Variants in MDFIC2 observed in about 807,000 individuals in gnomAD.
The protein encoded by MDFIC2 is MyoD family inhibitor domain containing 2, also known as myoD family inhibitor domain-containing protein 2.
intron 2 of MDFIC2, among the ~76,000 whole-genome samples, chr3:70,277,649 G>T (rs532798096): frequency 1.3e-5 from 2 of 152,124 alleles, no homozygotes; most frequent in Non-Finnish European, 2.9e-5. Flanking sequence ...TTCTTCTAAT[G>T]AAAGTATGGT....
At chr3:70,297,947 A>G (rs539501393) in intron 2 of MDFIC2, among the ~76,000 whole-genome samples, 8 of 152,196 alleles carry the variant, frequency 5.3e-5, no homozygotes, top group Non-Finnish European at 1.2e-4. Context: ...GTGGTCTCTT[A>G]CTCTTTGCTA....
intron 2 of MDFIC2, among the ~76,000 whole-genome samples, chr3:70,295,072 C>A (rs190362283): frequency 6.6e-6 from 1 of 152,254 alleles, no homozygotes; most frequent in East Asian, 1.9e-4. Flanking sequence ...CTAAAATTAT[C>A]ATTGGCAAGG....
At chr3:70,269,138 A>G (rs1701951612) in intron 2 of MDFIC2, among the ~76,000 whole-genome samples, 1 of 152,218 alleles carries the variant, frequency 6.6e-6, no homozygotes, top group Non-Finnish European at 1.5e-5. Flanking sequence ...AGGCTGACAT[A>G]TCAGATAAAT....
At chr3:70,250,411 TCACACACA>T (rs61355248) in intron 2 of MDFIC2, among the ~76,000 whole-genome samples, 25 of 124,966 alleles carry the variant, frequency 2.0e-4, no homozygotes, top group East Asian at 7.6e-4. Context: ...TTAATGAATC[TCACACACA>T]CACACACACA....
chr3:70,235,130 G>A (rs1701594878), intron 2 of MDFIC2, among the ~76,000 whole-genome samples: 1 of 152,102 alleles, frequency 6.6e-6, no homozygotes, highest in Non-Finnish European at 1.5e-5. Flanking sequence ...AGAAGAAGGG[G>A]CCCTCTGTCT....
chr3:70,269,192 C>G (rs1387175207), intron 2 of MDFIC2, among the ~76,000 whole-genome samples: 1 of 151,972 alleles, frequency 6.6e-6, no homozygotes, highest in Non-Finnish European at 1.5e-5. Flanking sequence ...TTGGAATATT[C>G]ACATACAATA....
At chr3:70,294,873 C>T (rs1446974292) in intron 2 of MDFIC2, among the ~76,000 whole-genome samples, 2 of 152,088 alleles carry the variant, frequency 1.3e-5, no homozygotes, top group East Asian at 3.9e-4. Flanking sequence ...AAATAGGAGA[C>T]TATCTTTTTT....
chr3:70,211,018 T>C (rs78170219), intron 2 of MDFIC2, among the ~76,000 whole-genome samples: 2,737 of 152,248 alleles, frequency 0.018, 81 homozygotes, highest in African/African-American at 0.062. Flanking sequence ...AACGTTTTAA[T>C]GATTTTCATT....
chr3:70,277,981 C>T (rs895637982), intron 2 of MDFIC2, among the ~76,000 whole-genome samples: 34 of 152,032 alleles, frequency 2.2e-4, no homozygotes, highest in Admixed American at 2.0e-3. Context: ...TAAAATAAAG[C>T]GCGCAAATCT....
chr3:70,306,464 A>G (rs1313728660), intron 2 of MDFIC2, among the ~76,000 whole-genome samples: 2 of 152,180 alleles, frequency 1.3e-5, no homozygotes, highest in Non-Finnish European at 2.9e-5. Context: ...CTGCTTACAG[A>G]AAAGAAGCTA....
chr3:70,219,602 A>C (rs1428699966), intron 2 of MDFIC2, among the ~76,000 whole-genome samples: 1 of 152,154 alleles, frequency 6.6e-6, no homozygotes, highest in East Asian at 1.9e-4. Context: ...GGGATGAAAA[A>C]CCAACAGAAT....
At chr3:70,301,031 C>T (rs547988130) in intron 2 of MDFIC2, among the ~76,000 whole-genome samples, 3 of 152,072 alleles carry the variant, frequency 2.0e-5, no homozygotes, top group East Asian at 1.9e-4. Context: ...TAAGTACCTC[C>T]GCTCTTTATG....
chr3:70,263,031 A>G (rs763734090), intron 2 of MDFIC2, among the ~76,000 whole-genome samples: 1 of 152,106 alleles, frequency 6.6e-6, no homozygotes, highest in African/African-American at 2.4e-5. Flanking sequence ...TAAAAATTTT[A>G]TTTCATTTAT....
chr3:70,205,555 T>G (rs1701281710), intron 3 of MDFIC2: 1 of 152,098 alleles, frequency 6.6e-6, no homozygotes, highest in Non-Finnish European at 1.5e-5. Context: ...ATACGTTATT[T>G]TTTTTTGATC....
intron 2 of MDFIC2, among the ~76,000 whole-genome samples, chr3:70,214,130 A>C (rs935310425): frequency 6.6e-6 from 1 of 152,142 alleles, no homozygotes; most frequent in African/African-American, 2.4e-5. Flanking sequence ...CAATTGCTAC[A>C]TCCTGATAGA....
chr3:70,292,584 A>G (rs535512587), intron 2 of MDFIC2, among the ~76,000 whole-genome samples: 4 of 152,258 alleles, frequency 2.6e-5, no homozygotes, highest in Admixed American at 2.6e-4. Flanking sequence ...TTTATGCCAA[A>G]CTATTTTTTA....
At chr3:70,238,616 GAA>G (rs144973336) in intron 2 of MDFIC2, among the ~76,000 whole-genome samples, 1 of 144,256 alleles carries the variant, frequency 6.9e-6, no homozygotes, top group East Asian at 2.0e-4. Flanking sequence ...TCTCAAAAAA[GAA>G]AAAAAAAAGT....
intron 2 of MDFIC2, among the ~76,000 whole-genome samples, chr3:70,247,696 C>T (rs1166555593): frequency 1.3e-5 from 2 of 151,618 alleles, no homozygotes; most frequent in Non-Finnish European, 2.9e-5. Flanking sequence ...GGTTTTGTTT[C>T]TACTGTATAC....
At chr3:70,205,947 CTTTG>C (rs1032010659) in intron 3 of MDFIC2, 3 of 151,836 alleles carry the variant, frequency 2.0e-5, no homozygotes, top group African/African-American at 4.8e-5. Flanking sequence ...TAATTTTGAA[CTTTG>C]TTTGGCTGAT....
Sources: allele counts gnomAD v4.1 joint callset (sites outside exome capture counted in the v4.1 genomes callset), GRCh38; gene constraint gnomAD v4.1.1; transcripts MANE v1.5; gene names NCBI Gene and HGNC (gene_info 2026-07-23, HGNC 2026-07-21).